The following MAPKAP1 variants were observed in gnomAD, a reference collection of about 807,000 sequenced individuals.
The protein encoded by MAPKAP1 is target of rapamycin complex 2 subunit MAPKAP1.
MAPKAP1 carries 20 observed loss-of-function variants against 65.7 expected under a neutral mutation model. The observed-to-expected ratio is 0.30, with a 90% CI of 0.21 to 0.44. MAPKAP1 has a LOEUF of 0.44. Among genes scored for constraint, MAPKAP1 ranks in the 20% least tolerant of loss-of-function variants. The pLI, the probability that MAPKAP1 is intolerant of heterozygous loss-of-function variation, is 1.00. For missense variants in MAPKAP1, 423 were observed against 648.0 expected (o/e 0.65, Z 3.77); for synonymous variants, 222 against 244.3 (o/e 0.91, Z 0.85).
At chr9:125,496,397 A>G (rs1446469480) in intron 8 of MAPKAP1, among the ~76,000 whole-genome samples, 2 of 152,244 alleles carry the variant, frequency 1.3e-5, no homozygotes, top group African/African-American at 4.8e-5. Context: ...ATAACAACCT[A>G]AAATATGTAA....
intron 4 of MAPKAP1, among the ~76,000 whole-genome samples, chr9:125,644,635 T>C (rs896837619): frequency 6.6e-6 from 1 of 152,252 alleles, no homozygotes; most frequent in African/African-American, 2.4e-5. Flanking sequence ...GCAGTGAAGT[T>C]AAAGGCAGAG....
chr9:125,639,645 T>TA (rs1833522301), intron 4 of MAPKAP1, among the ~76,000 whole-genome samples: 2 of 152,112 alleles, frequency 1.3e-5, no homozygotes, highest in African/African-American at 4.8e-5. Flanking sequence ...AAGAGACGAT[T>TA]GTTGTGGAAG....
intron 5 of MAPKAP1, among the ~76,000 whole-genome samples, chr9:125,570,664 G>GTT (rs34644198): frequency 0.048 from 7,254 of 152,140 alleles, 259 homozygotes; most frequent in Non-Finnish European, 0.069. Flanking sequence ...AGTAAAATTT[G>GTT]TTTTTGGTGA....
At chr9:125,529,638 A>G (rs1829878912) in intron 7 of MAPKAP1, among the ~76,000 whole-genome samples, 1 of 152,328 alleles carries the variant, frequency 6.6e-6, no homozygotes, top group South Asian at 2.1e-4. Flanking sequence ...ACCACCTTGT[A>G]TCTTTTGCAG....
intron 5 of MAPKAP1, among the ~76,000 whole-genome samples, chr9:125,577,356 C>T (rs1361596876): frequency 4.1e-4 from 62 of 150,302 alleles, no homozygotes; most frequent in African/African-American, 1.4e-3. Flanking sequence ...GGAGCGTCTC[C>T]GCCCGGCAGC....
chr9:125,628,230 A>T (rs1313800304), intron 4 of MAPKAP1, among the ~76,000 whole-genome samples: 1 of 152,182 alleles, frequency 6.6e-6, no homozygotes, highest in Non-Finnish European at 1.5e-5. Context: ...AGAGGAAGAC[A>T]TTTCAGGCAG....
intron 10 of MAPKAP1, among the ~76,000 whole-genome samples, chr9:125,457,074 T>C (rs1853199252): frequency 2.6e-5 from 4 of 151,656 alleles, no homozygotes; most frequent in South Asian, 4.2e-4. Flanking sequence ...CTGCAACCTC[T>C]GCCTCCTGGG....
intron 6 of MAPKAP1, among the ~76,000 whole-genome samples, chr9:125,553,174 T>C (rs1393425661): frequency 6.6e-6 from 1 of 152,166 alleles, no homozygotes; most frequent in Admixed American, 6.5e-5. Flanking sequence ...TGGGGAGCCC[T>C]GAGCCACTGC....
intron 8 of MAPKAP1, among the ~76,000 whole-genome samples, chr9:125,503,540 ATTAC>A (rs1829046039): frequency 2.6e-5 from 4 of 152,188 alleles, no homozygotes; most frequent in Admixed American, 6.5e-5. Flanking sequence ...GTTGGTTCAA[ATTAC>A]TTAGTCTGCC....
intron 4 of MAPKAP1, among the ~76,000 whole-genome samples, chr9:125,641,940 G>C (rs1209908360): frequency 6.6e-6 from 1 of 152,186 alleles, no homozygotes; most frequent in African/African-American, 2.4e-5. Context: ...GCTGAGAGAA[G>C]ATAATTACTT....
At chr9:125,617,421 A>ATGATCATGCC (rs1224278066) in intron 4 of MAPKAP1, among the ~76,000 whole-genome samples, 1 of 152,226 alleles carries the variant, frequency 6.6e-6, no homozygotes, top group Non-Finnish European at 1.5e-5. Flanking sequence ...TGATCATGCC[A>ATGATCATGCC]CTGCACTCCA....
chr9:125,584,146 CTTCA>C (rs1831709815), intron 5 of MAPKAP1, among the ~76,000 whole-genome samples: 1 of 152,138 alleles, frequency 6.6e-6, no homozygotes, highest in Admixed American at 6.5e-5. Flanking sequence ...CTTGTTCCCA[CTTCA>C]TGCAGAAAAG....
chr9:125,659,684 C>T (rs1247461395), intron 3 of MAPKAP1, among the ~76,000 whole-genome samples: 1 of 149,894 alleles, frequency 6.7e-6, no homozygotes, highest in Non-Finnish European at 1.5e-5. Context: ...CTGAATTAGT[C>T]ACATCAGCAC....
At chr9:125,631,591 T>C (rs1358627169) in intron 4 of MAPKAP1, among the ~76,000 whole-genome samples, 2 of 152,208 alleles carry the variant, frequency 1.3e-5, no homozygotes, top group East Asian at 3.8e-4. Context: ...CTACTTTTGC[T>C]AACCACAGCC....
chr9:125,622,320 G>A (rs939898637), intron 4 of MAPKAP1, among the ~76,000 whole-genome samples: 1 of 152,124 alleles, frequency 6.6e-6, no homozygotes, highest in Non-Finnish European at 1.5e-5. Context: ...GAATGTTCAG[G>A]ACACAGAAAT....
At chr9:125,616,692 T>C (rs995139011) in intron 4 of MAPKAP1, among the ~76,000 whole-genome samples, 2 of 152,056 alleles carry the variant, frequency 1.3e-5, no homozygotes, top group African/African-American at 4.8e-5. Flanking sequence ...AAGTCTGATG[T>C]GGGAGCACAA....
At chr9:125,480,909 T>C (rs1589225550) in intron 9 of MAPKAP1, among the ~76,000 whole-genome samples, 2 of 141,262 alleles carry the variant, frequency 1.4e-5, no homozygotes, top group South Asian at 2.2e-4. Flanking sequence ...TAGGAGGAGG[T>C]TGCAGTGAGC....
At chr9:125,607,110 C>G (rs953980153) in intron 4 of MAPKAP1, among the ~76,000 whole-genome samples, 1 of 152,214 alleles carries the variant, frequency 6.6e-6, no homozygotes, top group Non-Finnish European at 1.5e-5. Flanking sequence ...AGTAGATACT[C>G]TGGCATACAG....
intron 4 of MAPKAP1, among the ~76,000 whole-genome samples, chr9:125,649,793 C>A (rs1261836777): frequency 7.4e-6 from 1 of 135,454 alleles, no homozygotes; most frequent in Non-Finnish European, 1.6e-5. Context: ...ACAGAAACTC[C>A]GTCTCAAAAA....
Sources: gnomAD v4.1 joint callset for allele counts (sites outside exome capture counted in the v4.1 genomes callset) on GRCh38, gnomAD v4.1.1 for gene constraint, MANE v1.5 for transcripts, NCBI Gene and HGNC (gene_info 2026-07-23, HGNC 2026-07-21) for gene names.